Variants in NOS1 observed in about 807,000 individuals in gnomAD.
NOS1 encodes the protein NOS type I.
Under a neutral mutation model 164.5 loss-of-function variants are expected in NOS1, and 51 were observed. That is an observed-to-expected ratio of 0.31 (90% CI 0.25 to 0.39). The LOEUF (loss-of-function observed/expected upper bound fraction) is 0.39. NOS1 is among the 10% of genes least tolerant of loss of function. The pLI is 1.00. For missense variants in NOS1, 1,362 were observed against 1,885.6 expected (o/e 0.72, Z 5.14); for synonymous variants, 719 against 745.8 (o/e 0.96, Z 0.59).
chr12:117,288,214 C>T lies in NOS1; in HGVS notation c.987G>A (p.Thr329=), dbSNP rs368611180. ...CCATGCAGATGTACTCAGTGCATCC[C>T]GTTTCCTGGAAGATCAAGAGATTTG... is the stretch of plus-strand genomic sequence containing the variant. ...DTLHLKSTLE[T]GCTEYICMGS... The change falls in exon 5 of 29, where the codon ACG becomes ACA. Residue 329 remains threonine, a synonymous_variant. Coordinates refer to ENST00000317775, the MANE Select transcript of NOS1 (RefSeq NM_000620.5). 123 of 1,611,774 alleles carry T rather than the reference C, an allele frequency of 7.6e-5. No homozygotes were observed. The African/African-American group carries it at 1.4e-3, about 19-fold the overall frequency.
chr12:117,253,684 C>T lies in NOS1; in HGVS notation c.2602G>A (p.Asp868Asn), dbSNP rs769811727. ...DSQKSSGDGPDLRDNFESAGP... is the reference protein window; with the variant it reads ...DSQKSSGDGPNLRDNFESAGP... ...GCACTCTCAAAGTTGTCTCTGAGGT[C>T]GGGCCCATCGCCTGATGATTTTTGG... Residue 868 changes from aspartate to asparagine, a missense_variant, in exon 17 of 29, where the codon GAC becomes AAC. Physicochemically the swap from Asp to Asn is conservative, Grantham distance 23. Around this residue, in one of 4 missense-constraint regions of NOS1, gnomAD observed 737 missense variants for 1,030.3 expected, o/e 0.72. Transcript: ENST00000317775. 6.2e-6 allele frequency: 10 copies of T among 1,613,886 alleles called. 1 individual carries two copies. The highest frequency in any genetic ancestry group is 2.2e-5 in the East Asian group (1 of 44,882).
At position 117,225,536 on chromosome 12, in the gene NOS1, A is replaced by T. The variant is rs9658508; in HGVS notation, c.3705-399T>A. On this transcript the variant is annotated intron_variant, in intron 24 of 28. Transcript: ENST00000317775. ...GAGTACATGTGAGTTGTGACAACTC[A>T]TAATGTCTCCAGACATTGTCAAATG... Among the ~76,000 whole-genome samples, 1,308 of 152,280 alleles carry T rather than the reference A, an allele frequency of 8.6e-3. 19 individuals carry two copies. Among genetic ancestry groups the T allele is most frequent in the East Asian group, 0.057 (293 of 5,162 alleles).
chr12:117,359,581 G>A (rs11609784), intron 1 of NOS1, among the ~76,000 whole-genome samples: 16,885 of 151,990 alleles, frequency 0.11, 1,026 homozygotes, highest in Non-Finnish European at 0.13. Context: ...GCCTATGGGC[G>A]CGCTCGCCTG....
Position 117,212,491 on chromosome 12 carries a change from G to A in NOS1, c.*2818C>T, listed in dbSNP as rs2135910851. The stretch of plus-strand genomic sequence containing the variant: ...TAACATCATCTCTCTGCTCTTTCAC[G>A]ACACAAGCTGTGGGAACTGGATGCA... On this transcript the variant is annotated 3_prime_UTR_variant, in exon 29 of 29. Coordinates refer to ENST00000317775, the MANE Select transcript of NOS1 (RefSeq NM_000620.5). The A allele has an allele frequency of 1.0e-6, 1 of 985,334 alleles. No individual in the cohort carries two copies. Among genetic ancestry groups the A allele is most frequent in the Non-Finnish European group, 1.2e-6 (1 of 829,924 alleles). 61.0% of individuals were successfully genotyped at this position (985,334 alleles called of 1,614,324 possible). A position where few individuals can be genotyped will look rare whatever the true frequency, so the allele number is the denominator to read the frequency against.
intron 13 of NOS1, among the ~76,000 whole-genome samples, chr12:117,260,889 C>T (rs995450478): frequency 4.7e-5 from 7 of 150,334 alleles, no homozygotes; most frequent in Admixed American, 6.6e-5. Flanking sequence ...CACCAGAGGC[C>T]GGGTGTGGTA....
chr12:117,358,595 T>A (rs1876969411), intron 1 of NOS1, among the ~76,000 whole-genome samples: 1 of 151,888 alleles, frequency 6.6e-6, no homozygotes, highest in Non-Finnish European at 1.5e-5. Flanking sequence ...CATCACAGAG[T>A]CTTCAAAACA....
At chr12:117,324,320 G>A (rs181016640) in intron 2 of NOS1, among the ~76,000 whole-genome samples, 110 of 152,286 alleles carry the variant, frequency 7.2e-4, no homozygotes, top group African/African-American at 2.3e-3. Flanking sequence ...AGAGCAGGGC[G>A]AGGCTGACCT....
intron 3 of NOS1, among the ~76,000 whole-genome samples, chr12:117,302,763 T>G (rs1257464903): frequency 6.6e-6 from 1 of 152,000 alleles, no homozygotes; most frequent in African/African-American, 2.4e-5. Flanking sequence ...TTTATTTTTT[T>G]GAGATAGGGT....
At chr12:117,300,899 A>G (rs547018223) in intron 3 of NOS1, among the ~76,000 whole-genome samples, 1 of 152,258 alleles carries the variant, frequency 6.6e-6, no homozygotes, top group East Asian at 1.9e-4. Context: ...GCACCCTGAG[A>G]TGTCAGCCTC....
At chr12:117,282,720 A>G (rs1873777188) in intron 7 of NOS1, among the ~76,000 whole-genome samples, 1 of 152,216 alleles carries the variant, frequency 6.6e-6, no homozygotes, top group Non-Finnish European at 1.5e-5. Context: ...GCCATCTTGG[A>G]GATGAACACG....
intron 21 of NOS1, among the ~76,000 whole-genome samples, chr12:117,233,549 G>A (rs1180966031): frequency 6.6e-6 from 1 of 150,880 alleles, no homozygotes; most frequent in Non-Finnish European, 1.5e-5. Flanking sequence ...GCTCATGCCT[G>A]TAATCCCAGC....
chr12:117,242,576 G>A (rs751342109), intron 20 of NOS1, 51 bp downstream of exon 20: 11 of 1,445,344 alleles, frequency 7.6e-6, no homozygotes, highest in Non-Finnish European at 1.1e-5. Flanking sequence ...TTCATCGTGG[G>A]TGGCATTTGG....
chr12:117,354,268 T>A (rs1876762764), intron 1 of NOS1, among the ~76,000 whole-genome samples: 2 of 152,128 alleles, frequency 1.3e-5, no homozygotes, highest in African/African-American at 4.8e-5. Flanking sequence ...TCAAAATCAA[T>A]AAAAATATCA....
intron 17 of NOS1, among the ~76,000 whole-genome samples, chr12:117,250,486 G>A (rs377104396): frequency 7.9e-5 from 12 of 151,898 alleles, no homozygotes; most frequent in South Asian, 2.1e-4. Context: ...CCATAACCAC[G>A]CGTGGCTAAT....
At position 117,330,731 on chromosome 12, in the gene NOS1, A is replaced by G; in HGVS notation, c.339T>C (p.Gly113=). 1 of 1,613,762 alleles carries G rather than the reference A, an allele frequency of 6.2e-7. No individual in the cohort carries two copies. Among genetic ancestry groups the G allele is most frequent in the Non-Finnish European group, 8.5e-7 (1 of 1,179,868 alleles). ...CCCGGATGGTCTTGGGGGTCCCATC[A>G]CCTGTAAAGGTGGTCTCCAGGTGCG... is the stretch of plus-strand genomic sequence containing the variant. ...FTTHLETTFT[G]DGTPKTIRVT... is the part of the protein sequence containing the mutation. The change falls in exon 2 of 29, where the codon GGT becomes GGC. Residue 113 remains glycine, a synonymous_variant. Coordinates refer to ENST00000317775, the MANE Select transcript of NOS1 (RefSeq NM_000620.5). The surrounding 1 kb of genome is among the most constrained non-coding windows in gnomAD (Gnocchi z 4.6).
Position 117,214,799 on chromosome 12 carries a change from G to T in NOS1, c.*510C>A, listed in dbSNP as rs1225556324. 8.1e-6 allele frequency: 8 copies of T among 985,428 alleles called. No homozygotes were observed. The highest frequency in any genetic ancestry group is 9.6e-6 in the Non-Finnish European group (8 of 830,368). 61.0% of individuals were successfully genotyped at this position (985,428 alleles called of 1,614,324 possible). On this transcript the variant is annotated 3_prime_UTR_variant, in exon 29 of 29. Transcript: ENST00000317775. ...GTGGCAATCTAAGATCGACACACTT[G>T]TGCAGGGAAGAGGACGGACAGAGAC...
At chr12:117,269,468 T>TG in intron 10 of NOS1, among the ~76,000 whole-genome samples, 1 of 142,022 alleles carries the variant, frequency 7.0e-6, no homozygotes, top group East Asian at 2.0e-4. Context: ...AGATTTGTTT[T>TG]TTTTTTTTTT....
At chr12:117,220,956 TC>T (rs2135924896) in intron 26 of NOS1, among the ~76,000 whole-genome samples, 1 of 151,952 alleles carries the variant, frequency 6.6e-6, no homozygotes, top group Admixed American at 6.6e-5. Context: ...ACTGAGATAC[TC>T]CCACCCTAGT....
At chr12:117,258,764 G>A (rs1871660264) in intron 15 of NOS1, among the ~76,000 whole-genome samples, 1 of 152,332 alleles carries the variant, frequency 6.6e-6, no homozygotes, top group East Asian at 1.9e-4. Flanking sequence ...TCAAGCTAAT[G>A]ATAGGAGCAG....
Sources: gnomAD v4.1 joint callset for allele counts (sites outside exome capture counted in the v4.1 genomes callset) on GRCh38, gnomAD v4.1.1 for gene constraint, gnomAD v4.1.1 regional missense constraint, Gnocchi (gnomAD v3.1) non-coding constraint, MANE v1.5 for transcripts, NCBI Gene and HGNC (gene_info 2026-07-23, HGNC 2026-07-21) for gene names.